The following GALNT10 variants were observed in gnomAD, a reference collection of about 807,000 sequenced individuals.
The protein encoded by GALNT10 is polypeptide N-acetylgalactosaminyltransferase 10.
A neutral mutation model predicts 75.0 loss-of-function variants in GALNT10; 41 were observed. The ratio of observed to expected loss-of-function variants is 0.55; its 90% confidence interval spans 0.43 to 0.71. GALNT10 has a LOEUF of 0.71. Among genes scored for constraint, GALNT10 ranks in the 30% least tolerant of loss-of-function variants. The pLI, the probability that GALNT10 is intolerant of heterozygous loss-of-function variation, is 0.00. For missense variants in GALNT10, 727 were observed against 818.5 expected (o/e 0.89, Z 1.36); for synonymous variants, 302 against 313.0 (o/e 0.96, Z 0.37).
chr5:154,287,010 G>A (rs1202152044), intron 1 of GALNT10, among the ~76,000 whole-genome samples: 1 of 152,202 alleles, frequency 6.6e-6, no homozygotes, highest in African/African-American at 2.4e-5. Context: ...CCTCACTTAA[G>A]TCTGACTGTG....
At chr5:154,230,177 C>T (rs77897554) in intron 1 of GALNT10, among the ~76,000 whole-genome samples, 2,560 of 152,238 alleles carry the variant, frequency 0.017, 74 homozygotes, top group African/African-American at 0.057. Context: ...ATCCTGTGTA[C>T]GCAAAGCTTT....
intron 2 of GALNT10, among the ~76,000 whole-genome samples, chr5:154,296,409 T>C (rs887857453): frequency 2.0e-5 from 3 of 152,090 alleles, no homozygotes; most frequent in Non-Finnish European, 4.4e-5. Context: ...GCTGCTTAAA[T>C]TAAGAAAGAA....
chr5:154,295,387 TAAG>T (rs770442551), intron 2 of GALNT10, among the ~76,000 whole-genome samples: 2 of 152,000 alleles, frequency 1.3e-5, no homozygotes, highest in African/African-American at 2.4e-5. Context: ...GCCCATTTAA[TAAG>T]AAGGGGCCTG....
At position 154,358,508 on chromosome 5, in the gene GALNT10, A is replaced by T. The variant is rs114506656; in HGVS notation, c.569-17769A>T. ...ACTGAAGCTTAGAGAAATTTAAGTAACTTAGCAGAGCTTGCTGGTCTGTTG... is the reference window on the plus strand; with the variant it reads ...ACTGAAGCTTAGAGAAATTTAAGTATCTTAGCAGAGCTTGCTGGTCTGTTG... On this transcript the variant is annotated intron_variant, in intron 4 of 11. Coordinates refer to ENST00000297107, the MANE Select transcript of GALNT10 (RefSeq NM_198321.4). Among the ~76,000 whole-genome samples the T allele has an allele frequency of 5.9e-3, 892 of 152,266 alleles. 6 individuals carry two copies. The highest frequency in any genetic ancestry group is 0.02 in the African/African-American group (841 of 41,534).
chr5:154,406,909 G>C (rs1756293763), intron 8 of GALNT10, among the ~76,000 whole-genome samples: 1 of 152,188 alleles, frequency 6.6e-6, no homozygotes, highest in African/African-American at 2.4e-5. Context: ...AGCTCCGAGA[G>C]AGCCAGATAG....
At chr5:154,363,170 G>A (rs928830296) in intron 4 of GALNT10, among the ~76,000 whole-genome samples, 4 of 152,136 alleles carry the variant, frequency 2.6e-5, no homozygotes, top group African/African-American at 9.7e-5. Flanking sequence ...GAAGAAATAA[G>A]CATAAGAAGA....
chr5:154,297,877 TCCCCACTCCA>T, intron 2 of GALNT10, 54 bp from the exon 3 acceptor site: 2 of 1,395,816 alleles, frequency 1.4e-6, no homozygotes, highest in Admixed American at 2.1e-5. Flanking sequence ...TCATCCTTTT[TCCCCACTCCA>T]TATACAGTAC....
At chr5:154,401,409 C>G (rs1409540615) in intron 7 of GALNT10, among the ~76,000 whole-genome samples, 1 of 152,236 alleles carries the variant, frequency 6.6e-6, no homozygotes, top group Non-Finnish European at 1.5e-5. Context: ...AGCCCAGCAG[C>G]GACCTGGGCA....
rs4032070 is a variant in GALNT10, at chr5:154,299,831, ATTTT to A, written c.401+1770_401+1773del. Among the ~76,000 whole-genome samples, 180 of 130,418 alleles carry A rather than the reference ATTTT, an allele frequency of 1.4e-3. 1 individual carries two copies. Among genetic ancestry groups the A allele is most frequent in the South Asian group, 0.011 (44 of 3,854 alleles). 85.6% of individuals were successfully genotyped at this position (130,418 alleles called of 152,430 possible). On this transcript the variant is annotated intron_variant, in intron 3 of 11. Transcript: ENST00000297107. ...CATGGTTTTCACTGTCAAATCCCAG[ATTTT>A]TTTTTTTTTTTTTTTTTGAGACAGG... is the stretch of plus-strand genomic sequence containing the variant.
At chr5:154,414,561 T>C (rs1417007990) in intron 10 of GALNT10, among the ~76,000 whole-genome samples, 2 of 152,120 alleles carry the variant, frequency 1.3e-5, no homozygotes, top group East Asian at 3.9e-4. Context: ...AGCAGATCAG[T>C]GGCTGACCTA....
intron 1 of GALNT10, among the ~76,000 whole-genome samples, chr5:154,280,553 A>C (rs1218210267): frequency 6.6e-6 from 1 of 152,218 alleles, no homozygotes; most frequent in African/African-American, 2.4e-5. Flanking sequence ...TGTGTCCATT[A>C]AAAATATTAT....
At chr5:154,321,085 A>G (rs1754665314) in intron 3 of GALNT10, among the ~76,000 whole-genome samples, 1 of 152,186 alleles carries the variant, frequency 6.6e-6, no homozygotes, top group Non-Finnish European at 1.5e-5. Context: ...GCGAACACCC[A>G]TGTTCCCATC....
chr5:154,217,602 A>G (rs754338954), intron 1 of GALNT10, among the ~76,000 whole-genome samples: 1 of 152,174 alleles, frequency 6.6e-6, no homozygotes, highest in Non-Finnish European at 1.5e-5. Context: ...GATGAATTAA[A>G]ATCAATGAAA....
At chr5:154,321,790 G>A (rs1561660505) in intron 3 of GALNT10, among the ~76,000 whole-genome samples, 1 of 119,628 alleles carries the variant, frequency 8.4e-6, no homozygotes, top group Non-Finnish European at 2.0e-5. Context: ...TGTCTGGAGA[G>A]CACCTGCCCC....
chr5:154,190,835 C>A lies in GALNT10; in HGVS notation c.-32C>A. 8.8e-7 allele frequency: 1 copy of A among 1,132,100 alleles called. No individual in the cohort carries two copies. The allele number at this position is 1,132,100 out of a possible 1,614,324, so 70.1% of individuals were successfully genotyped here. A position where few individuals can be genotyped will look rare whatever the true frequency, so the allele number is the denominator to read the frequency against. On this transcript the variant is annotated 5_prime_UTR_variant, in exon 1 of 12. Coordinates refer to ENST00000297107, the MANE Select transcript of GALNT10 (RefSeq NM_198321.4). ...CGGAGCTGGGGGCGGCGCGGCGGGGCCGGCGGGGCGCGGCGGGGCTGACCG... is the reference window on the plus strand; with the variant it reads ...CGGAGCTGGGGGCGGCGCGGCGGGGACGGCGGGGCGCGGCGGGGCTGACCG...
At chr5:154,277,160 G>T (rs997552699) in intron 1 of GALNT10, among the ~76,000 whole-genome samples, 3 of 151,966 alleles carry the variant, frequency 2.0e-5, no homozygotes, top group Admixed American at 1.3e-4. Context: ...CTGGGGCTGG[G>T]CTGGGCAGCT....
intron 1 of GALNT10, among the ~76,000 whole-genome samples, chr5:154,249,362 A>G (rs764072747): frequency 3.3e-5 from 5 of 151,914 alleles, no homozygotes; most frequent in Non-Finnish European, 7.3e-5. Flanking sequence ...GCTCCATTCC[A>G]GTGGGCAGAG....
chr5:154,308,031 C>T (rs1271068336), intron 3 of GALNT10, among the ~76,000 whole-genome samples: 1 of 130,614 alleles, frequency 7.7e-6, no homozygotes, highest in Non-Finnish European at 1.7e-5. Flanking sequence ...ATAAAGATCT[C>T]TATTTCTATC....
chr5:154,264,479 A>T (rs1426084344), intron 1 of GALNT10, among the ~76,000 whole-genome samples: 1 of 152,186 alleles, frequency 6.6e-6, no homozygotes. Context: ...AAGCATTATG[A>T]TATCTGCAGT....
Sources: allele counts gnomAD v4.1 joint callset (sites outside exome capture counted in the v4.1 genomes callset), GRCh38; gene constraint gnomAD v4.1.1; transcripts MANE v1.5; gene names NCBI Gene and HGNC (gene_info 2026-07-23, HGNC 2026-07-21).